Variants in IGF2BP3 observed in about 807,000 individuals in gnomAD.
The protein encoded by IGF2BP3 is insulin-like growth factor 2 mRNA-binding protein 3.
Under a neutral mutation model 73.8 loss-of-function variants are expected in IGF2BP3, and 9 were observed. That is an observed-to-expected ratio of 0.12 (90% CI 0.07 to 0.21). The LOEUF (loss-of-function observed/expected upper bound fraction) is 0.21, where lower values mean the gene tolerates loss of function less well. IGF2BP3 is among the 10% of genes least tolerant of loss of function. The probability of loss-of-function intolerance (pLI) is 1.00; values close to 1 mark genes in which losing one functional copy is unlikely to be tolerated. For synonymous variants in IGF2BP3, 258 were observed against 256.7 expected, an observed-to-expected ratio of 1.01 and a Z score of -0.05; for missense variants, 542 against 714.0, an observed-to-expected ratio of 0.76 and a Z score of 2.75.
intron 2 of IGF2BP3, among the ~76,000 whole-genome samples, chr7:23,439,430 G>A (rs1021904615): frequency 1.3e-5 from 2 of 151,392 alleles, no homozygotes; most frequent in Non-Finnish European, 2.9e-5. Context: ...GTGGTGGCGG[G>A]CGCCTGTAGT....
chr7:23,377,935 G>A (rs542393293), intron 3 of IGF2BP3, among the ~76,000 whole-genome samples: 1 of 152,220 alleles, frequency 6.6e-6, no homozygotes, highest in South Asian at 2.1e-4. Context: ...TGGTTTCTAG[G>A]GCCTGGGAGG....
At chr7:23,465,827 C>G (rs1052447348) in intron 2 of IGF2BP3, among the ~76,000 whole-genome samples, 2 of 152,106 alleles carry the variant, frequency 1.3e-5, no homozygotes, top group African/African-American at 4.8e-5. Context: ...ATTCAACTAT[C>G]AGAGCAACCC....
At chr7:23,452,694 C>T (rs1345547763) in intron 2 of IGF2BP3, among the ~76,000 whole-genome samples, 1 of 150,154 alleles carries the variant, frequency 6.7e-6, no homozygotes, top group Non-Finnish European at 1.5e-5. Context: ...CCCAGCTACT[C>T]GGGAGGCTAA....
intron 10 of IGF2BP3, among the ~76,000 whole-genome samples, chr7:23,333,314 G>C (rs1784488171): frequency 6.6e-6 from 1 of 152,156 alleles, no homozygotes; most frequent in Non-Finnish European, 1.5e-5. Context: ...CCTGGTACTG[G>C]TTTCAGAGAG....
In IGF2BP3 at chr7:23,469,878, C is replaced by G; in HGVS notation, c.175+58G>C. The G allele has an allele frequency of 7.9e-7, 1 of 1,269,464 alleles. No homozygotes were observed. The highest frequency in any genetic ancestry group is 2.5e-5 in the South Asian group (1 of 39,970). 78.6% of individuals were successfully genotyped at this position (1,269,464 alleles called of 1,614,324 possible). ...GGGCCCGCGGAGCCACCCGGTGGGC[C>G]TGGGCGGGCGGTGCAGGGCTGGGGC... On this transcript the variant is annotated intron_variant, in intron 1 of 14. Coordinates refer to ENST00000258729, the MANE Select transcript of IGF2BP3 (RefSeq NM_006547.3). The surrounding 1 kb of genome is among the most constrained non-coding windows in gnomAD (Gnocchi z 6.1).
At chr7:23,451,672 G>T (rs1788201152) in intron 2 of IGF2BP3, among the ~76,000 whole-genome samples, 1 of 151,974 alleles carries the variant, frequency 6.6e-6, no homozygotes, top group Non-Finnish European at 1.5e-5. Context: ...GTTAGGGCTG[G>T]GCACGGTGGC....
rs373667738 is a variant in IGF2BP3 at position 23,352,460 on chromosome 7, TG to T, written c.402-875del. Among the ~76,000 whole-genome samples the T allele has an allele frequency of 2.2e-4, 33 of 152,168 alleles. No individual in the cohort carries two copies. The South Asian group carries it at 6.7e-3, about 31-fold the overall frequency. ...TGCACCATCATGCTTGGCTAATTTT[TG>T]TATTTTTAGTAGAGATGGGGTTTCA... On this transcript the variant is annotated intron_variant, in intron 5 of 14. Transcript: ENST00000258729.
At chr7:23,361,287 A>C (rs1369381896) in intron 5 of IGF2BP3, 1 of 350,552 alleles carries the variant, frequency 2.9e-6, no homozygotes, top group Non-Finnish European at 5.2e-6. Context: ...GGTGTGATTC[A>C]GTTTCATACT....
chr7:23,388,239 G>A (rs946942781), intron 3 of IGF2BP3, among the ~76,000 whole-genome samples: 1 of 151,984 alleles, frequency 6.6e-6, no homozygotes, highest in Non-Finnish European at 1.5e-5. Context: ...GCCCGGCCTA[G>A]AATTTTTTAA....
intron 3 of IGF2BP3, among the ~76,000 whole-genome samples, chr7:23,409,364 A>G (rs759242249): frequency 2.6e-5 from 4 of 152,270 alleles, no homozygotes; most frequent in Non-Finnish European, 5.9e-5. Context: ...TGCAATCCCA[A>G]TAAACATCCC....
At chr7:23,347,575 T>A (rs1365649432) in intron 7 of IGF2BP3, 25 bp downstream of exon 7, 1 of 1,604,388 alleles carries the variant, frequency 6.2e-7, no homozygotes, top group South Asian at 1.1e-5. Flanking sequence ...TCAACCTCTT[T>A]CACAGGACAA....
intron 3 of IGF2BP3, among the ~76,000 whole-genome samples, chr7:23,386,938 G>A (rs912716133): frequency 2.0e-5 from 3 of 151,818 alleles, no homozygotes; most frequent in African/African-American, 7.3e-5. Flanking sequence ...ATGGTGGCAA[G>A]TACCTGTAAT....
chr7:23,392,268 A>G (rs1003549762), intron 3 of IGF2BP3, among the ~76,000 whole-genome samples: 8 of 152,156 alleles, frequency 5.3e-5, no homozygotes, highest in Non-Finnish European at 2.9e-5. Flanking sequence ...GACTTCCTCA[A>G]GCTTAGCTAA....
chr7:23,372,230 A>AC (rs1785573314), intron 3 of IGF2BP3, among the ~76,000 whole-genome samples: 1 of 151,632 alleles, frequency 6.6e-6, no homozygotes, highest in South Asian at 2.1e-4. Context: ...ACGTGCCTCC[A>AC]CCCCCGGCTG....
chr7:23,315,084 T>G (rs1006903420), intron 12 of IGF2BP3, among the ~76,000 whole-genome samples: 2 of 152,172 alleles, frequency 1.3e-5, no homozygotes, highest in Non-Finnish European at 2.9e-5. Context: ...ATTATGGGCA[T>G]GAGCCACTCA....
intron 3 of IGF2BP3, among the ~76,000 whole-genome samples, chr7:23,363,970 G>T (rs1312936686): frequency 6.6e-6 from 1 of 152,278 alleles, no homozygotes; most frequent in Non-Finnish European, 1.5e-5. Flanking sequence ...CGGGCACAGT[G>T]GCTCATGCCT....
intron 2 of IGF2BP3, among the ~76,000 whole-genome samples, chr7:23,421,268 CCAGAGTGCT>C (rs1240087278): frequency 6.6e-6 from 1 of 152,014 alleles, no homozygotes; most frequent in Non-Finnish European, 1.5e-5. Context: ...CCTCGGCCTC[CCAGAGTGCT>C]GGGATTACAG....
intron 10 of IGF2BP3, among the ~76,000 whole-genome samples, chr7:23,326,462 G>C (rs1322749571): frequency 6.6e-6 from 1 of 151,666 alleles, no homozygotes; most frequent in African/African-American, 2.4e-5. Context: ...CTTTTACACT[G>C]TTGGTGGGAC....
At chr7:23,451,889 A>C (rs1239087489) in intron 2 of IGF2BP3, among the ~76,000 whole-genome samples, 1 of 151,310 alleles carries the variant, frequency 6.6e-6, no homozygotes, top group African/African-American at 2.4e-5. Context: ...CAGAGGCTGC[A>C]GTGAGCCAAG....
Sources: allele counts gnomAD v4.1 joint callset (sites outside exome capture counted in the v4.1 genomes callset), GRCh38; gene constraint gnomAD v4.1.1; non-coding constraint Gnocchi (gnomAD v3.1); transcripts MANE v1.5; gene names NCBI Gene and HGNC (gene_info 2026-07-23, HGNC 2026-07-21).